Variants in CACNB2 observed in about 807,000 individuals in gnomAD.
CACNB2 encodes voltage-dependent L-type calcium channel subunit beta-2.
CACNB2 carries 42 observed loss-of-function variants against 73.3 expected under a neutral mutation model. The ratio of observed to expected loss-of-function variants is 0.57; its 90% CI spans 0.45 to 0.74. CACNB2 has a LOEUF of 0.74. Among genes scored for constraint, CACNB2 ranks in the 30% least tolerant of loss-of-function variants. The pLI is 0.00. For synonymous variants in CACNB2, 348 were observed against 310.3 expected, an observed-to-expected ratio of 1.12 and a Z score of -1.28; for missense variants, 940 against 853.0, an observed-to-expected ratio of 1.10 and a Z score of -1.27.
chr10:18,391,648 T>C (rs1320793034), intron 2 of CACNB2, among the ~76,000 whole-genome samples: 1 of 152,026 alleles, frequency 6.6e-6, no homozygotes, highest in Non-Finnish European at 1.5e-5. Flanking sequence ...ACTAATAGGC[T>C]GGGCGTGGTG....
intron 3 of CACNB2, among the ~76,000 whole-genome samples, chr10:18,496,168 A>ACAGTGAGACT (rs1323947359): frequency 1.5e-5 from 2 of 135,936 alleles, no homozygotes; most frequent in Admixed American, 1.7e-4. Flanking sequence ...CCTGGGCATC[A>ACAGTGAGACT]CAGTGAGACT....
intron 12 of CACNB2, 84 bp downstream of exon 12, chr10:18,536,280 C>G (rs1389357643): frequency 5.0e-6 from 2 of 398,458 alleles, no homozygotes; most frequent in African/African-American, 7.1e-5. Context: ...TTTTGGGGGA[C>G]AAGGTCTTGC....
intron 2 of CACNB2, among the ~76,000 whole-genome samples, chr10:18,296,845 T>C (rs2039300072): frequency 1.3e-5 from 2 of 152,206 alleles, no homozygotes; most frequent in African/African-American, 4.8e-5. Context: ...AGAAAGTATG[T>C]GCGGTAGAGG....
chr10:18,366,420 G>T (rs1003120256), intron 2 of CACNB2, among the ~76,000 whole-genome samples: 2 of 148,550 alleles, frequency 1.3e-5, no homozygotes, highest in Non-Finnish European at 3.0e-5. Context: ...AGCCAAGATC[G>T]CGCCACTGCA....
chr10:18,520,324 C>T (rs1434195754), intron 9 of CACNB2, among the ~76,000 whole-genome samples: 1 of 152,228 alleles, frequency 6.6e-6, no homozygotes, highest in East Asian at 1.9e-4. Flanking sequence ...ACTGTTCTTT[C>T]TCTCTTATAT....
intron 3 of CACNB2, among the ~76,000 whole-genome samples, chr10:18,475,202 T>C (rs2048380270): frequency 6.6e-6 from 1 of 151,920 alleles, no homozygotes; most frequent in African/African-American, 2.4e-5. Flanking sequence ...CTGGAAGCTC[T>C]CAGATCTCCA....
intron 2 of CACNB2, among the ~76,000 whole-genome samples, chr10:18,263,340 T>C (rs2037644159): frequency 1.3e-5 from 2 of 152,208 alleles, no homozygotes; most frequent in Non-Finnish European, 2.9e-5. Context: ...GACCCCTATG[T>C]GGTACTGGTG....
At chr10:18,532,642 A>C (rs2053146454) in intron 10 of CACNB2, among the ~76,000 whole-genome samples, 1 of 142,128 alleles carries the variant, frequency 7.0e-6, no homozygotes, top group Non-Finnish European at 1.5e-5. Flanking sequence ...GCACCACTGC[A>C]CTCCAGCCTG....
At chr10:18,239,433 G>A (rs1180125401) in intron 2 of CACNB2, among the ~76,000 whole-genome samples, 6 of 152,024 alleles carry the variant, frequency 3.9e-5, no homozygotes, top group African/African-American at 9.7e-5. Context: ...TAAGACAATG[G>A]CCTCCAGTTC....
At chr10:18,386,439 G>A (rs1589212167) in intron 2 of CACNB2, among the ~76,000 whole-genome samples, 1 of 113,208 alleles carries the variant, frequency 8.8e-6, no homozygotes. Context: ...GTCTCACTCT[G>A]TCGCCCAGGC....
intron 3 of CACNB2, among the ~76,000 whole-genome samples, chr10:18,423,212 A>G (rs995489134): frequency 1.3e-5 from 2 of 152,212 alleles, no homozygotes; most frequent in African/African-American, 4.8e-5. Flanking sequence ...AGGATTGTCA[A>G]TTATGTCTCC....
At chr10:18,192,563 A>G (rs2034450556) in intron 2 of CACNB2, among the ~76,000 whole-genome samples, 1 of 152,126 alleles carries the variant, frequency 6.6e-6, no homozygotes, top group Non-Finnish European at 1.5e-5. Context: ...GATGTTGTGT[A>G]ACTACTCTCT....
At chr10:18,419,947 T>C (rs1485897882) in intron 3 of CACNB2, among the ~76,000 whole-genome samples, 2 of 152,190 alleles carry the variant, frequency 1.3e-5, no homozygotes, top group Non-Finnish European at 2.9e-5. Flanking sequence ...ACTAAGAATG[T>C]TTTTTCTGTT....
chr10:18,235,265 C>T (rs2036395490), intron 2 of CACNB2, among the ~76,000 whole-genome samples: 1 of 151,874 alleles, frequency 6.6e-6, no homozygotes, highest in Non-Finnish European at 1.5e-5. Flanking sequence ...CCAGCCTGGG[C>T]AATGTAGCAA....
chr10:18,400,066 A>G (rs1454876904), intron 2 of CACNB2, among the ~76,000 whole-genome samples: 1 of 152,214 alleles, frequency 6.6e-6, no homozygotes, highest in African/African-American at 2.4e-5. Context: ...TCTCAGTTGG[A>G]GAAGCAGTTC....
chr10:18,255,417 T>C (rs2037243252), intron 2 of CACNB2, among the ~76,000 whole-genome samples: 1 of 152,200 alleles, frequency 6.6e-6, no homozygotes. Flanking sequence ...GTCAACCCCC[T>C]CTACATTCTC....
chr10:18,459,537 G>T (rs1019646691), intron 3 of CACNB2, among the ~76,000 whole-genome samples: 1 of 152,182 alleles, frequency 6.6e-6, no homozygotes, highest in South Asian at 2.1e-4. Context: ...TTCTCACCTG[G>T]CTGTGGTGCT....
chr10:18,368,825 G>C (rs2042459560), intron 2 of CACNB2, among the ~76,000 whole-genome samples: 1 of 151,824 alleles, frequency 6.6e-6, no homozygotes, highest in Non-Finnish European at 1.5e-5. Flanking sequence ...GAAACCATAT[G>C]CTCTATAATG....
intron 3 of CACNB2, among the ~76,000 whole-genome samples, chr10:18,407,856 C>A (rs894423589): frequency 2.0e-5 from 3 of 152,172 alleles, no homozygotes; most frequent in Middle Eastern, 3.4e-3. Context: ...ATAATATTTT[C>A]TCTTATGTCT....
Sources: allele counts gnomAD v4.1 joint callset (sites outside exome capture counted in the v4.1 genomes callset), GRCh38; gene constraint gnomAD v4.1.1; transcripts MANE v1.5; gene names NCBI Gene and HGNC (gene_info 2026-07-23, HGNC 2026-07-21).